The following ACCSL variants were observed in gnomAD, a reference collection of about 807,000 sequenced individuals.
ACCSL encodes the protein probable inactive 1-aminocyclopropane-1-carboxylate synthase-like protein 2.
Under a neutral mutation model 61.7 loss-of-function variants are expected in ACCSL, and 55 were observed. That is an observed-to-expected ratio of 0.89 (90% CI 0.72 to 1.12). The LOEUF (loss-of-function observed/expected upper bound fraction) is 1.12, where lower values mean the gene tolerates loss of function less well. Among genes scored for constraint, ACCSL ranks in the 50% most tolerant of loss-of-function variants. ACCSL has a pLI of 0.00. For missense variants in ACCSL, 632 were observed against 698.0 expected, an observed-to-expected ratio of 0.91 and a Z score of 1.07; for synonymous variants, 258 against 264.3, an observed-to-expected ratio of 0.98 and a Z score of 0.23.
chr11:43,976,404 T>G, the ACCSL span, among the ~76,000 whole-genome samples: 1 of 152,266 alleles, frequency 6.6e-6, no homozygotes, highest in Non-Finnish European at 1.5e-5. Flanking sequence ...TCTACTTATA[T>G]ATCCCTTATT....
the ACCSL span, among the ~76,000 whole-genome samples, chr11:43,965,451 G>A: frequency 1.3e-5 from 2 of 152,086 alleles, no homozygotes; most frequent in Admixed American, 1.3e-4. Flanking sequence ...AGGAAATAAA[G>A]AACACCTGAG....
the ACCSL span, among the ~76,000 whole-genome samples, chr11:43,972,869 T>C: frequency 1.3e-5 from 2 of 152,248 alleles, no homozygotes; most frequent in East Asian, 3.9e-4. Context: ...GAGGTTGGGT[T>C]TGAGGCCTCA....
At chr11:44,001,759 A>C in the ACCSL span, among the ~76,000 whole-genome samples, 1 of 94,656 alleles carries the variant, frequency 1.1e-5, no homozygotes, top group African/African-American at 4.1e-5. Context: ...GCAGGGGGGA[A>C]GTGGAGGTAA....
the ACCSL span, among the ~76,000 whole-genome samples, chr11:43,962,531 C>T: frequency 5.3e-5 from 8 of 152,172 alleles, no homozygotes; most frequent in African/African-American, 1.7e-4. Context: ...GCTGTGGCTC[C>T]GAGTCTTTCT....
the ACCSL span, chr11:43,933,276 C>A: frequency 2.4e-6 from 1 of 423,650 alleles, no homozygotes; most frequent in Non-Finnish European, 4.8e-6. Flanking sequence ...TGTCCCTGGA[C>A]CTCAGTGTCC....
chr11:44,014,483 C>CAGAGAGAGAGAG, the ACCSL span, among the ~76,000 whole-genome samples: 7 of 129,026 alleles, frequency 5.4e-5, no homozygotes, highest in African/African-American at 1.5e-4. Context: ...GAGAGATAGC[C>CAGAGAGAGAGAG]AGAGAGAGAG....
rs1952686300 is a variant in ACCSL, at chr11:44,058,565, T to A, written c.1490T>A (p.Phe497Tyr). ...CCCTAGTACCTGGATCCCTGTACAT[T>A]TGAAGAAGAACGGCTCCTCTATTGC... ...NLKKYLDPCT[F>Y]EEERLLYCRF... The change falls in exon 13 of 14, where the codon TTT becomes TAT. Residue 497 changes from phenylalanine (F) to tyrosine (Y), a missense_variant. By Grantham distance (22) the Phe-to-Tyr change is conservative. Transcript: ENST00000378832. 6.2e-7 allele frequency: 1 copy of A among 1,614,050 alleles called. No homozygotes were observed. Among genetic ancestry groups the A allele is most frequent in the Non-Finnish European group, 8.5e-7 (1 of 1,179,990 alleles).
chr11:43,964,091 A>G, the ACCSL span, among the ~76,000 whole-genome samples: 1 of 152,064 alleles, frequency 6.6e-6, no homozygotes, highest in Non-Finnish European at 1.5e-5. Flanking sequence ...ACAATTAATT[A>G]TAGATATATA....
chr11:44,021,777 C>G, the ACCSL span, among the ~76,000 whole-genome samples: 1 of 152,008 alleles, frequency 6.6e-6, no homozygotes, highest in Non-Finnish European at 1.5e-5. Context: ...TTTGATCCAC[C>G]TTGAGTTGAT....
the ACCSL span, among the ~76,000 whole-genome samples, chr11:44,024,338 G>A: frequency 2.6e-5 from 4 of 151,974 alleles, no homozygotes; most frequent in South Asian, 8.3e-4. Flanking sequence ...GCTTGCAGAT[G>A]GCAGATTATG....
the ACCSL span, among the ~76,000 whole-genome samples, chr11:44,020,883 G>T: frequency 3.3e-5 from 5 of 151,942 alleles, no homozygotes; most frequent in African/African-American, 9.7e-5. Flanking sequence ...ATAATGTTTG[G>T]TTTCTCATTC....
the ACCSL span, among the ~76,000 whole-genome samples, chr11:44,001,702 C>T: frequency 6.7e-6 from 1 of 149,816 alleles, no homozygotes; most frequent in Non-Finnish European, 1.5e-5. Flanking sequence ...GGAGGAATTA[C>T]AGAAAAGGAG....
chr11:43,971,643 G>A, the ACCSL span: 7 of 152,228 alleles, frequency 4.6e-5, no homozygotes, highest in South Asian at 2.1e-4. Flanking sequence ...TTGATAGATC[G>A]AGGCTGGAAA....
the ACCSL span, among the ~76,000 whole-genome samples, chr11:43,957,810 G>T: frequency 6.6e-6 from 1 of 152,148 alleles, no homozygotes; most frequent in Non-Finnish European, 1.5e-5. Context: ...GCTCCAAAGG[G>T]AGGGGGTGTA....
intron 11 of ACCSL, among the ~76,000 whole-genome samples, chr11:44,057,167 T>C (rs1236135019): frequency 6.6e-6 from 1 of 152,184 alleles, no homozygotes; most frequent in East Asian, 1.9e-4. Context: ...GGATCTCAAG[T>C]GAATGCTGGC....
chr11:43,971,284 CAAA>C, the ACCSL span, among the ~76,000 whole-genome samples: 2 of 137,616 alleles, frequency 1.5e-5, no homozygotes, highest in Admixed American at 7.2e-5. Flanking sequence ...GACTCTGTCT[CAAA>C]AAAAAAAAAA....
chr11:43,929,072 T>C, the ACCSL span, among the ~76,000 whole-genome samples: 1 of 152,240 alleles, frequency 6.6e-6, no homozygotes, highest in Non-Finnish European at 1.5e-5. Context: ...CTTTGGCAAA[T>C]TCTTAGCCTG....
the ACCSL span, among the ~76,000 whole-genome samples, chr11:43,946,405 G>A: frequency 3.9e-5 from 6 of 152,020 alleles, no homozygotes; most frequent in East Asian, 1.9e-4. Flanking sequence ...GCCCTGGTTC[G>A]TTTTTTAAGT....
chr11:44,035,674 A>G, the ACCSL span, among the ~76,000 whole-genome samples: 1 of 152,194 alleles, frequency 6.6e-6, no homozygotes, highest in Non-Finnish European at 1.5e-5. Context: ...ACGGTGGCTC[A>G]GGCCTGTAAT....
Sources: allele counts gnomAD v4.1 joint callset (sites outside exome capture counted in the v4.1 genomes callset), GRCh38; gene constraint gnomAD v4.1.1; transcripts MANE v1.5; gene names NCBI Gene and HGNC (gene_info 2026-07-23, HGNC 2026-07-21).